The following FCHSD2 variants were observed in gnomAD, a reference collection of about 807,000 sequenced individuals.
The protein encoded by FCHSD2 is FCH and double SH3 domains 2.
A neutral mutation model predicts 108.1 loss-of-function variants in FCHSD2; 38 were observed. The observed-to-expected ratio is 0.35, with a 90% CI of 0.27 to 0.46. FCHSD2 has a LOEUF of 0.46. Ranked by LOEUF, FCHSD2 falls within the 20% of genes least tolerant of loss-of-function variation. The pLI, the probability that FCHSD2 is intolerant of heterozygous loss-of-function variation, is 1.00. For missense variants in FCHSD2, 751 were observed against 897.8 expected, an observed-to-expected ratio of 0.84 and a Z score of 2.09; for synonymous variants, 279 against 314.7, an observed-to-expected ratio of 0.89 and a Z score of 1.20.
At chr11:73,102,011 T>G (rs1182219512) in intron 2 of FCHSD2, among the ~76,000 whole-genome samples, 2 of 152,188 alleles carry the variant, frequency 1.3e-5, no homozygotes, top group African/African-American at 2.4e-5. Context: ...TAAAATCCAA[T>G]GCTACAATTG....
intron 2 of FCHSD2, among the ~76,000 whole-genome samples, chr11:73,096,393 A>T (rs1860077054): frequency 6.6e-6 from 1 of 151,374 alleles, no homozygotes. Context: ...AAAAAAAAAA[A>T]AAAAAAAATT....
chr11:72,952,578 G>A (rs112778193), intron 8 of FCHSD2, among the ~76,000 whole-genome samples: 51 of 152,234 alleles, frequency 3.4e-4, no homozygotes, highest in Middle Eastern at 3.4e-3. Context: ...ACCGGCCTCG[G>A]CCTCTCAAAG....
chr11:73,083,631 ATC>A, intron 3 of FCHSD2, 62 bp downstream of exon 3: 1 of 978,870 alleles, frequency 1.0e-6, no homozygotes, highest in Non-Finnish European at 1.6e-6. Context: ...TCCAAAAACC[ATC>A]TCTGTCCTTA....
intron 8 of FCHSD2, among the ~76,000 whole-genome samples, chr11:72,961,309 G>A (rs770181350): frequency 1.6e-4 from 25 of 151,718 alleles, no homozygotes; most frequent in Non-Finnish European, 2.4e-4. Flanking sequence ...CTATAGCCTC[G>A]AACTCCTGGG....
At chr11:72,896,310 G>C (rs564334274) in intron 10 of FCHSD2, among the ~76,000 whole-genome samples, 1 of 152,184 alleles carries the variant, frequency 6.6e-6, no homozygotes, top group Non-Finnish European at 1.5e-5. Context: ...ACCTGAGGAA[G>C]TTTCCGTGTT....
At position 72,989,113 on chromosome 11, in the gene FCHSD2, G is replaced by C. The variant is rs765282693; in HGVS notation, c.388-16C>G. ...GGTCCACACACTGTAAAATACAAAAGTACAATCATTATGATTTTAGTTTTC... is the reference window on the plus strand; with the variant it reads ...GGTCCACACACTGTAAAATACAAAACTACAATCATTATGATTTTAGTTTTC... On this transcript the variant is annotated splice_polypyrimidine_tract_variant and intron_variant, in intron 5 of 19. Coordinates refer to ENST00000409418, the MANE Select transcript of FCHSD2 (RefSeq NM_014824.3). 19 of 1,590,508 alleles carry C rather than the reference G, an allele frequency of 1.2e-5. No individual in the cohort carries two copies. Among genetic ancestry groups the C allele is most frequent in the Non-Finnish European group, 1.6e-5 (19 of 1,166,476 alleles).
rs192234537 is a variant in FCHSD2 at position 73,050,258 on chromosome 11, T to C, written c.165+33437A>G. ...GACAGCCCTAGTTTGCCAGCCTCTA[T>C]ATTAAAAAGAGGGCTGGACCATATG... On this transcript the variant is annotated intron_variant, in intron 3 of 19. Coordinates refer to ENST00000409418, the MANE Select transcript of FCHSD2 (RefSeq NM_014824.3). 1.0e-3 allele frequency among the ~76,000 whole-genome samples: 158 copies of C among 152,292 alleles called. 1 individual carries two copies. The highest frequency in any genetic ancestry group is 2.1e-3 in the Non-Finnish European group (145 of 68,026).
At position 73,036,995 on chromosome 11, in the gene FCHSD2, T is replaced by A. The variant is rs1858513865; in HGVS notation, c.166-21110A>T. 3.3e-5 allele frequency among the ~76,000 whole-genome samples: 5 copies of A among 152,362 alleles called. No homozygotes were observed. In the South Asian group the frequency reaches 1.0e-3, roughly 32 times the overall value. On this transcript the variant is annotated intron_variant, in intron 3 of 19. Transcript: ENST00000409418. Reference sequence around the variant, plus strand: ...ATCTTTGCAAATGTCTTCACACAGATAGGGACTGCCAAATACTGATATCAA... The same window carrying A: ...ATCTTTGCAAATGTCTTCACACAGAAAGGGACTGCCAAATACTGATATCAA...
chr11:73,071,417 C>T (rs1193358182), intron 3 of FCHSD2, among the ~76,000 whole-genome samples: 2 of 151,842 alleles, frequency 1.3e-5, no homozygotes, highest in South Asian at 2.1e-4. Context: ...CAGGACTGGG[C>T]GCAGTGGCTC....
intron 8 of FCHSD2, among the ~76,000 whole-genome samples, chr11:72,959,853 G>GGT (rs58451717): frequency 0.38 from 55,200 of 145,574 alleles, 10,425 homozygotes; most frequent in Middle Eastern, 0.58. Context: ...AAGTTTCTAG[G>GGT]GTGTGTGTGT....
intron 12 of FCHSD2, among the ~76,000 whole-genome samples, chr11:72,881,719 T>C (rs1855090832): frequency 6.6e-6 from 1 of 152,238 alleles, no homozygotes; most frequent in South Asian, 2.1e-4. Flanking sequence ...TGAAATCCTG[T>C]CATTTGCAGC....
At chr11:72,849,939 G>C in intron 13 of FCHSD2, 50 bp from the exon 14 acceptor site, 1 of 1,501,584 alleles carries the variant, frequency 6.7e-7, no homozygotes, top group Non-Finnish European at 9.2e-7. Context: ...CAAGAAAATG[G>C]TTGAAAGCCG....
chr11:72,916,437 C>T (rs572499885), intron 9 of FCHSD2, among the ~76,000 whole-genome samples: 10 of 151,850 alleles, frequency 6.6e-5, no homozygotes, highest in Admixed American at 4.6e-4. Context: ...TTGGGCCTCC[C>T]GAGTAGTTGG....
intron 8 of FCHSD2, among the ~76,000 whole-genome samples, chr11:72,928,829 G>A (rs1856130226): frequency 7.0e-6 from 1 of 142,124 alleles, no homozygotes; most frequent in South Asian, 2.2e-4. Flanking sequence ...CCAGTAACTC[G>A]TCATTTAGCA....
chr11:72,938,611 A>G (rs1021986677), intron 8 of FCHSD2, among the ~76,000 whole-genome samples: 1 of 152,162 alleles, frequency 6.6e-6, no homozygotes, highest in Non-Finnish European at 1.5e-5. Context: ...CAGATGGAGA[A>G]GCTTAGGCAT....
At chr11:72,854,870 G>A (rs1861381311) in intron 13 of FCHSD2, among the ~76,000 whole-genome samples, 1 of 152,206 alleles carries the variant, frequency 6.6e-6, no homozygotes, top group African/African-American at 2.4e-5. Context: ...AGGCACGGTG[G>A]CTCATGCCTG....
intron 2 of FCHSD2, among the ~76,000 whole-genome samples, chr11:73,130,201 G>T (rs886287005): frequency 1.3e-5 from 2 of 151,990 alleles, no homozygotes; most frequent in Non-Finnish European, 2.9e-5. Flanking sequence ...ATATACCTGG[G>T]TGTGGCTAAA....
chr11:72,853,582 T>G (rs2135176476), intron 13 of FCHSD2, among the ~76,000 whole-genome samples: 1 of 152,296 alleles, frequency 6.6e-6, no homozygotes, highest in African/African-American at 2.4e-5. Context: ...ACCCGGCTAA[T>G]CTTTTGTATT....
At chr11:73,125,350 T>C (rs1170514060) in intron 2 of FCHSD2, among the ~76,000 whole-genome samples, 1 of 152,214 alleles carries the variant, frequency 6.6e-6, no homozygotes, top group East Asian at 1.9e-4. Flanking sequence ...AATTAGACCA[T>C]TGTAAGGTCG....
Sources: allele counts gnomAD v4.1 joint callset (sites outside exome capture counted in the v4.1 genomes callset), GRCh38; gene constraint gnomAD v4.1.1; transcripts MANE v1.5; gene names NCBI Gene and HGNC (gene_info 2026-07-23, HGNC 2026-07-21).